The following TBL1X variants were observed in gnomAD, a reference collection of about 807,000 sequenced individuals.
The protein encoded by TBL1X is transducin beta like 1 X-linked, also known as F-box-like/WD repeat-containing protein TBL1X.
In TBL1X, 10 loss-of-function variants were observed where a neutral mutation model predicts 50.7. That is an observed-to-expected ratio of 0.20 (90% CI 0.12 to 0.33). TBL1X has a LOEUF of 0.33. TBL1X is among the 10% of genes least tolerant of loss of function. TBL1X has a pLI of 1.00. For missense variants in TBL1X, 340 were observed against 504.4 expected, an observed-to-expected ratio of 0.67 and a Z score of 3.12; for synonymous variants, 190 against 214.7, an observed-to-expected ratio of 0.88 and a Z score of 1.01.
chrX:9,569,866 T>G (rs2082375904), intron 2 of TBL1X, among the ~76,000 whole-genome samples: 2 of 112,201 alleles, frequency 1.8e-5, no homozygotes. Context: ...AATGCAGGGT[T>G]TGTGGATTTC....
At chrX:9,698,734 G>A (rs886254461) in intron 12 of TBL1X, among the ~76,000 whole-genome samples, 11 of 111,820 alleles carry the variant, frequency 9.8e-5, no homozygotes, top group East Asian at 5.7e-4. Flanking sequence ...GGAACTCTCC[G>A]GAAATCTAAA....
chrX:9,667,144 TC>T (rs1340318172), intron 5 of TBL1X, among the ~76,000 whole-genome samples: 1 of 111,404 alleles, frequency 9.0e-6, no homozygotes, highest in African/African-American at 3.3e-5. Context: ...CGCCTGTAGT[TC>T]CAGCTACTTG....
intron 1 of TBL1X, among the ~76,000 whole-genome samples, chrX:9,489,207 C>T (rs1329037243): frequency 1.8e-5 from 2 of 109,954 alleles, no homozygotes; most frequent in East Asian, 5.7e-4. Context: ...ATGAAGCAAG[C>T]AGAGGTAGCG....
intron 16 of TBL1X, among the ~76,000 whole-genome samples, chrX:9,712,108 G>A (rs940405422): frequency 1.8e-5 from 2 of 112,376 alleles, no homozygotes; most frequent in Admixed American, 1.9e-4. Flanking sequence ...TCCATGGCAC[G>A]AAACCTTCCA....
intron 1 of TBL1X, among the ~76,000 whole-genome samples, chrX:9,485,112 C>T (rs1453622364): frequency 9.1e-6 from 1 of 109,576 alleles, no homozygotes; most frequent in Non-Finnish European, 1.9e-5. Context: ...CCCAAAACCC[C>T]AGAAAAACCA....
intron 1 of TBL1X, among the ~76,000 whole-genome samples, chrX:9,473,472 T>C (rs1339931434): frequency 8.9e-6 from 1 of 112,111 alleles, no homozygotes; most frequent in African/African-American, 3.2e-5. Context: ...TACTGTTTCC[T>C]TTTCTTGTCT....
intron 2 of TBL1X, among the ~76,000 whole-genome samples, chrX:9,561,799 T>G (rs1236965599): frequency 1.8e-5 from 2 of 112,019 alleles, no homozygotes; most frequent in African/African-American, 6.5e-5. Flanking sequence ...AAGTGAATAG[T>G]TGAATTTGTT....
At chrX:9,463,750 T>A (rs1399951644), upstream of TBL1X, among the ~76,000 whole-genome samples, 3 of 111,393 alleles carry the variant, frequency 2.7e-5, no homozygotes, top group African/African-American at 9.8e-5. Context: ...AAAAATTAGC[T>A]GGGCGTGGTG....
chrX:9,697,481 A>G, intron 12 of TBL1X, 52 bp downstream of exon 12: 1 of 1,203,129 alleles, frequency 8.3e-7, no homozygotes, highest in Non-Finnish European at 1.1e-6. Context: ...ATTCAAAAAT[A>G]ATAATTCAGG....
At chrX:9,657,067 G>T (rs1056936578) in intron 5 of TBL1X, among the ~76,000 whole-genome samples, 1 of 112,365 alleles carries the variant, frequency 8.9e-6, no homozygotes, top group African/African-American at 3.2e-5. Context: ...CCTCCACTCT[G>T]GCTTTCTCCA....
chrX:9,500,785 G>A (rs1045120120), intron 1 of TBL1X, among the ~76,000 whole-genome samples: 1 of 112,015 alleles, frequency 8.9e-6, no homozygotes, highest in Non-Finnish European at 1.9e-5. Flanking sequence ...CCTAACGTCT[G>A]CCGGGGAAGG....
intron 1 of TBL1X, among the ~76,000 whole-genome samples, chrX:9,489,216 C>T (rs1005910787): frequency 3.6e-5 from 4 of 109,821 alleles, no homozygotes; most frequent in African/African-American, 6.6e-5. Flanking sequence ...GCAGAGGTAG[C>T]GGGTGGGGCC....
chrX:9,684,282 G>C (rs1389529208), intron 6 of TBL1X, 94 bp downstream of exon 6: 11 of 1,113,509 alleles, frequency 9.9e-6, no homozygotes, highest in Non-Finnish European at 1.3e-5. Flanking sequence ...ATTTCCCTCA[G>C]GCATTTGGGA....
intron 2 of TBL1X, among the ~76,000 whole-genome samples, chrX:9,546,655 T>C (rs1389540312): frequency 2.7e-5 from 3 of 111,725 alleles, no homozygotes; most frequent in Non-Finnish European, 3.8e-5. Context: ...ATATTTTCTA[T>C]TTAGCTGAAT....
At position 9,579,159 on chromosome X, in the gene TBL1X, A is replaced by G. The variant is rs146229566; in HGVS notation, c.-130-61114A>G. ...CGGGGTGCGGGGAGATGGCAGCTAA[A>G]TTCCTTTTCAGCAGAGTTGAAGCAT... On this transcript the variant is annotated intron_variant, in intron 2 of 17. Transcript: ENST00000645353. 6.1e-3 allele frequency among the ~76,000 whole-genome samples: 686 copies of G among 112,083 alleles called. 9 individuals are homozygous for G. Among genetic ancestry groups the G allele is most frequent in the African/African-American group, 0.022 (666 of 30,783 alleles).
intron 6 of TBL1X, among the ~76,000 whole-genome samples, chrX:9,686,647 A>G (rs1034784999): frequency 8.9e-6 from 1 of 112,897 alleles, no homozygotes; most frequent in African/African-American, 3.2e-5. Flanking sequence ...GCAGTGAGCC[A>G]TGACTGTGCC....
intron 3 of TBL1X, among the ~76,000 whole-genome samples, chrX:9,651,054 G>A (rs1471056140): frequency 2.9e-5 from 2 of 69,205 alleles, no homozygotes; most frequent in African/African-American, 1.2e-4. Flanking sequence ...TTTGAGAAAG[G>A]GTCTCACTTC....
intron 1 of TBL1X, among the ~76,000 whole-genome samples, chrX:9,471,802 C>T (rs912465170): frequency 1.8e-5 from 2 of 111,331 alleles, no homozygotes; most frequent in Non-Finnish European, 3.8e-5. Context: ...TTTTTCCTAT[C>T]GTGGTGGATG....
intron 5 of TBL1X, among the ~76,000 whole-genome samples, chrX:9,675,281 A>G (rs971318777): frequency 9.0e-6 from 1 of 111,630 alleles, no homozygotes; most frequent in Non-Finnish European, 1.9e-5. Flanking sequence ...AGAATGCGCC[A>G]TCTTGGTGAT....
Sources: allele counts gnomAD v4.1 joint callset (sites outside exome capture counted in the v4.1 genomes callset), GRCh38; gene constraint gnomAD v4.1.1; transcripts MANE v1.5; gene names NCBI Gene and HGNC (gene_info 2026-07-23, HGNC 2026-07-21).